Variants in IL7R observed in about 807,000 individuals in gnomAD.
IL7R encodes interleukin 7 receptor.
A neutral mutation model predicts 47.0 loss-of-function variants in IL7R; 38 were observed. The observed-to-expected ratio is 0.81, with a 90% confidence interval of 0.62 to 1.06. The LOEUF is 1.06. Ranked by LOEUF, IL7R falls within the 50% of genes least tolerant of loss-of-function variation. IL7R has a pLI of 0.00. For synonymous variants in IL7R, 221 were observed against 199.8 expected, an observed-to-expected ratio of 1.11 and a Z score of -0.89; for missense variants, 633 against 534.8, an observed-to-expected ratio of 1.18 and a Z score of -1.81.
At position 35,874,457 on chromosome 5, in the gene IL7R, G is replaced by T. The variant is rs1187307876; in HGVS notation, c.715G>T (p.Asp239Tyr). 6.2e-7 allele frequency: 1 copy of T among 1,608,362 alleles called. No homozygotes were observed. Among genetic ancestry groups the T allele is most frequent in the Admixed American group, 1.7e-5 (1 of 60,006 alleles). ...PEINNSSGEMDPILLTISILS... is the reference protein window; with the variant it reads ...PEINNSSGEMYPILLTISILS... ...CTATTCTTGCTTTCCAGGGGAGATG[G>T]ATCCTATCTTACTAACCATCAGCAT... Residue 239 changes from aspartate (D) to tyrosine (Y), a missense_variant, in exon 6 of 8, where the codon GAT (aspartate) becomes TAT (tyrosine). Physicochemically the swap from Asp to Tyr is radical, Grantham distance 160 (BLOSUM62 -3). Transcript: ENST00000303115.
At chr5:35,860,199 G>A (rs770341936) in intron 1 of IL7R, among the ~76,000 whole-genome samples, 9 of 152,188 alleles carry the variant, frequency 5.9e-5, no homozygotes, top group Non-Finnish European at 1.0e-4. Flanking sequence ...TCACCAAATC[G>A]GAGTCCTGCC....
At chr5:35,861,544 T>C (rs552763634) in intron 2 of IL7R, among the ~76,000 whole-genome samples, 15 of 152,102 alleles carry the variant, frequency 9.9e-5, no homozygotes, top group African/African-American at 2.7e-4. Context: ...TAACGAGTAA[T>C]GGGGAAGCAA....
At chr5:35,857,481 C>CAGAAG (rs10624573) in intron 1 of IL7R, among the ~76,000 whole-genome samples, 61,064 of 151,584 alleles carry the variant, frequency 0.4, 12,677 homozygotes, top group African/African-American at 0.46. Flanking sequence ...AGGTAATGTA[C>CAGAAG]AGAAGCAATA....
At chr5:35,864,254 A>G (rs1451454054) in intron 2 of IL7R, among the ~76,000 whole-genome samples, 1 of 152,166 alleles carries the variant, frequency 6.6e-6, no homozygotes, top group East Asian at 1.9e-4. Context: ...AATATACCAC[A>G]AATTTTTAAT....
chr5:35,867,714 C>T (rs1759974318), intron 3 of IL7R: 2 of 605,692 alleles, frequency 3.3e-6, no homozygotes, highest in Admixed American at 5.8e-5. Flanking sequence ...CATGAAGTGG[C>T]TAACTGGAGC....
chr5:35,860,904 G>A lies in IL7R; in HGVS notation c.135G>A (p.Gln45=), dbSNP rs200464578. The A allele has an allele frequency of 6.2e-7, 1 of 1,613,578 alleles. No individual in the cohort carries two copies. The highest frequency in any genetic ancestry group is 8.5e-7 in the Non-Finnish European group (1 of 1,179,534). The part of the protein sequence containing the change: ...LDDYSFSCYS[Q]LEVNGSQHSL... The stretch of plus-strand genomic sequence containing the variant: ...ACTACTCATTCTCATGCTATAGCCA[G>A]TTGGAAGTGAATGGATCGCAGCACT... The change falls in exon 2 of 8, where the codon CAG becomes CAA. Residue 45 remains glutamine, a synonymous_variant. Transcript: ENST00000303115.
chr5:35,868,924 T>C (rs1265861947), intron 3 of IL7R, among the ~76,000 whole-genome samples: 1 of 152,138 alleles, frequency 6.6e-6, no homozygotes, highest in African/African-American at 2.4e-5. Flanking sequence ...ACTGCAAATC[T>C]GACATGCCTC....
chr5:35,875,755 C>A, intron 7 of IL7R, 168 bp downstream of exon 7: 1 of 765,010 alleles, frequency 1.3e-6, no homozygotes, highest in Non-Finnish European at 2.3e-6. Context: ...AAATAAGATA[C>A]ACATCTCAGA....
chr5:35,858,222 A>G (rs11567697), intron 1 of IL7R, among the ~76,000 whole-genome samples: 11,799 of 152,264 alleles, frequency 0.077, 616 homozygotes, highest in Middle Eastern at 0.14. Flanking sequence ...TTTTCACTCC[A>G]ACTTTTTAAG....
At chr5:35,874,396 A>C in intron 5 of IL7R, 53 bp from the exon 6 acceptor site, 1 of 1,165,338 alleles carries the variant, frequency 8.6e-7, no homozygotes, top group East Asian at 2.3e-5. Context: ...CTGAGACCCT[A>C]CCCCCACTGC....
chr5:35,874,696 C>T (rs1213139835), intron 6 of IL7R, among the ~76,000 whole-genome samples, 154 bp downstream of exon 6: 6 of 152,184 alleles, frequency 3.9e-5, no homozygotes, highest in Admixed American at 6.5e-5. Flanking sequence ...CGAATTTCCA[C>T]AGTTAATTTC....
At position 35,879,343 on chromosome 5, in the gene IL7R, G is replaced by A. The variant is rs936519386; in HGVS notation, c.*2857G>A. 2.3e-4 allele frequency: 54 copies of A among 232,738 alleles called. No homozygotes were observed. In the Admixed American group the frequency reaches 2.4e-3, roughly 10 times the overall value. 14.4% of individuals were successfully genotyped at this position (232,738 alleles called of 1,614,324 possible). A position where few individuals can be genotyped will look rare whatever the true frequency, so the allele number is the denominator to read the frequency against. On this transcript the variant is annotated 3_prime_UTR_variant, in exon 8 of 8. Transcript: ENST00000303115. ...GCATTTTCTTAGCTCTTCTAGAGGGGCTAAGAGACTTGGTACGGGCCAGGA... is the reference window on the plus strand; with the variant it reads ...GCATTTTCTTAGCTCTTCTAGAGGGACTAAGAGACTTGGTACGGGCCAGGA...
intron 3 of IL7R, among the ~76,000 whole-genome samples, chr5:35,869,085 C>T (rs1489266874): frequency 6.6e-6 from 1 of 152,158 alleles, no homozygotes; most frequent in Non-Finnish European, 1.5e-5. Context: ...CTCACGGTAG[C>T]ATCTCCTTCT....
At position 35,875,550 on chromosome 5, in the gene IL7R, AG is replaced by A; in HGVS notation, c.840del (p.Lys281ArgfsTer14). On this transcript the variant is annotated frameshift_variant, in exon 7 of 8. Coordinates refer to ENST00000303115, the MANE Select transcript of IL7R (RefSeq NM_002185.5). LOFTEE classifies it high-confidence loss of function. ...GTATGGCCCAGTCTCCCCGATCATA[AG>A]AAGACTCTGGAACATCTTTGTAAGA... ...PIVWPSLPDH[K>X]KTLEHLCKKP... 1 of 1,613,768 alleles carries A rather than the reference AG, an allele frequency of 6.2e-7. No homozygotes were observed. The highest frequency in any genetic ancestry group is 2.2e-5 in the East Asian group (1 of 44,888).
rs1760238685 is a variant in IL7R at position 35,877,114 on chromosome 5, C to G, written c.*628C>G. ...GCCTTTCTCTTCACTGAGGACTGCC[C>G]CATTCTTGAGTGCCAAACGTCACTA... On this transcript the variant is annotated 3_prime_UTR_variant, in exon 8 of 8. Transcript: ENST00000303115. 4.3e-6 allele frequency: 1 copy of G among 233,900 alleles called. No individual in the cohort carries two copies. The highest frequency in any genetic ancestry group is 2.2e-5 in the African/African-American group (1 of 45,316). The allele number at this position is 233,900 out of a possible 1,614,324, so 14.5% of individuals were successfully genotyped here.
In IL7R at chr5:35,876,855, A is replaced by G. The variant is rs1760232119; in HGVS notation, c.*369A>G. The stretch of plus-strand genomic sequence containing the variant: ...AGGAAAATAAAAAATGATAGTTGCC[A>G]TTATTAGGATTTAATATATATCCAG... On this transcript the variant is annotated 3_prime_UTR_variant, in exon 8 of 8. Transcript: ENST00000303115. 1 of 362,264 alleles carries G rather than the reference A, an allele frequency of 2.8e-6. No homozygotes were observed. The highest frequency in any genetic ancestry group is 4.5e-5 in the East Asian group (1 of 22,426). 22.4% of individuals were successfully genotyped at this position (362,264 alleles called of 1,614,324 possible).
At chr5:35,864,642 T>C (rs979475811) in intron 2 of IL7R, among the ~76,000 whole-genome samples, 5 of 152,174 alleles carry the variant, frequency 3.3e-5, no homozygotes, top group Non-Finnish European at 7.4e-5. Context: ...CTAGTATCTG[T>C]TAAAAGCACT....
At chr5:35,868,630 G>A (rs1005274805) in intron 3 of IL7R, among the ~76,000 whole-genome samples, 2 of 152,092 alleles carry the variant, frequency 1.3e-5, no homozygotes, top group African/African-American at 4.8e-5. Context: ...TTGGAGATGA[G>A]GTCCCTATGG....
chr5:35,857,743 C>A (rs531653409), intron 1 of IL7R, among the ~76,000 whole-genome samples: 1 of 152,070 alleles, frequency 6.6e-6, no homozygotes, highest in South Asian at 2.1e-4. Flanking sequence ...AACTTAGTAC[C>A]GAGAAGCCAA....
Sources: allele counts gnomAD v4.1 joint callset (sites outside exome capture counted in the v4.1 genomes callset), GRCh38; gene constraint gnomAD v4.1.1; transcripts MANE v1.5; gene names NCBI Gene and HGNC (gene_info 2026-07-23, HGNC 2026-07-21).